The following SLC4A5 variants were observed in gnomAD, a reference collection of about 807,000 sequenced individuals.
The protein encoded by SLC4A5 is solute carrier family 4 member 5.
Under a neutral mutation model 120.4 loss-of-function variants are expected in SLC4A5, and 96 were observed. The ratio of observed to expected loss-of-function variants is 0.80; its 90% confidence interval spans 0.68 to 0.94. The LOEUF (loss-of-function observed/expected upper bound fraction) is 0.94. Ranked by LOEUF, SLC4A5 falls within the 40% of genes least tolerant of loss-of-function variation. The pLI is 0.00. For missense variants in SLC4A5, 1,259 were observed against 1,459.5 expected (o/e 0.86, Z 2.24); for synonymous variants, 550 against 571.1 (o/e 0.96, Z 0.53).
intron 19 of SLC4A5, among the ~76,000 whole-genome samples, chr2:74,245,530 G>A (rs1670584621): frequency 6.6e-6 from 1 of 152,180 alleles, no homozygotes; most frequent in Admixed American, 6.5e-5. Flanking sequence ...GGGCCTGCCT[G>A]CAGGTAGGAT....
At chr2:74,277,900 C>A in intron 8 of SLC4A5, among the ~76,000 whole-genome samples, 1 of 151,300 alleles carries the variant, frequency 6.6e-6, no homozygotes, top group Non-Finnish European at 1.5e-5. Context: ...TTTAAAATAC[C>A]CCAGCAAAAG....
intron 27 of SLC4A5, among the ~76,000 whole-genome samples, chr2:74,226,542 C>A (rs192551386): frequency 6.6e-6 from 1 of 152,176 alleles, no homozygotes; most frequent in Non-Finnish European, 1.5e-5. Flanking sequence ...CCCCTGCCCC[C>A]CTACTTCACT....
chr2:74,338,556 C>T (rs183508778), intron 3 of SLC4A5, among the ~76,000 whole-genome samples: 16 of 152,226 alleles, frequency 1.1e-4, no homozygotes, highest in Non-Finnish European at 2.4e-4. Flanking sequence ...CAGTGGCTCA[C>T]GCCTGTAATC....
At chr2:74,328,777 CTTATCACA>C (rs996447377) in intron 4 of SLC4A5, among the ~76,000 whole-genome samples, 14 of 152,162 alleles carry the variant, frequency 9.2e-5, no homozygotes, top group African/African-American at 3.4e-4. Context: ...GATAAAGGAT[CTTATCACA>C]TTGCAAGTAC....
At chr2:74,306,652 CT>C (rs58494912) in intron 6 of SLC4A5, 127,432 of 438,874 alleles carry the variant, frequency 0.29, 9,658 homozygotes, top group African/African-American at 0.63. Flanking sequence ...TAGTTCATTT[CT>C]TTTTTTTTTT....
At chr2:74,260,291 T>G (rs1378188213) in intron 11 of SLC4A5, among the ~76,000 whole-genome samples, 1 of 152,174 alleles carries the variant, frequency 6.6e-6, no homozygotes, top group African/African-American at 2.4e-5. Flanking sequence ...GTGTCCAGAA[T>G]GCTGCTCCTC....
At chr2:74,316,448 T>C (rs1672968446) in intron 5 of SLC4A5, among the ~76,000 whole-genome samples, 1 of 151,602 alleles carries the variant, frequency 6.6e-6, no homozygotes, top group African/African-American at 2.4e-5. Flanking sequence ...ACCAAAATCC[T>C]GGCCAAGACA....
chr2:74,258,071 C>G (rs1175200841), intron 12 of SLC4A5, among the ~76,000 whole-genome samples: 1 of 152,220 alleles, frequency 6.6e-6, no homozygotes, highest in Non-Finnish European at 1.5e-5. Flanking sequence ...CCTGCTGACT[C>G]CACTTCCTGA....
At chr2:74,330,801 TGAGGTCTAGATGGAGGC>T (rs1180852150) in intron 4 of SLC4A5, among the ~76,000 whole-genome samples, 4 of 138,200 alleles carry the variant, frequency 2.9e-5, no homozygotes, top group Admixed American at 7.4e-5. Flanking sequence ...ATGGAGGCAG[TGAGGTCTAGATGGAGGC>T]GGTGAGGTCT....
intron 16 of SLC4A5, among the ~76,000 whole-genome samples, chr2:74,251,384 A>G (rs1442453907): frequency 6.6e-6 from 1 of 152,040 alleles, no homozygotes; most frequent in Non-Finnish European, 1.5e-5. Flanking sequence ...TCAAGGCCAC[A>G]TCCTTTCCTA....
At chr2:74,341,857 A>G (rs966725753) in intron 2 of SLC4A5, among the ~76,000 whole-genome samples, 2 of 152,224 alleles carry the variant, frequency 1.3e-5, no homozygotes, top group African/African-American at 4.8e-5. Context: ...GAGGAAGGCT[A>G]AGACACAAAA....
At chr2:74,322,003 T>C (rs1451093628) in intron 5 of SLC4A5, among the ~76,000 whole-genome samples, 1 of 152,130 alleles carries the variant, frequency 6.6e-6, no homozygotes, top group Non-Finnish European at 1.5e-5. Context: ...GTTTGTCCTT[T>C]ACCCTCCTGC....
intron 8 of SLC4A5, among the ~76,000 whole-genome samples, chr2:74,280,729 G>C (rs1671786035): frequency 6.6e-6 from 1 of 151,800 alleles, no homozygotes; most frequent in African/African-American, 2.4e-5. Context: ...TTGTTGCCCA[G>C]GCTGGAGTGC....
intron 10 of SLC4A5, among the ~76,000 whole-genome samples, chr2:74,263,652 C>T (rs1287915657): frequency 6.6e-6 from 1 of 152,184 alleles, no homozygotes; most frequent in African/African-American, 2.4e-5. Flanking sequence ...ATAAGCCCAG[C>T]CCCTTCTACC....
At chr2:74,291,571 C>G (rs1184454888) in intron 7 of SLC4A5, among the ~76,000 whole-genome samples, 1 of 152,238 alleles carries the variant, frequency 6.6e-6, no homozygotes, top group African/African-American at 2.4e-5. Context: ...CTACACTGCC[C>G]CATTGAGGCT....
At position 74,227,577 on chromosome 2, in the gene SLC4A5, G is replaced by A. The variant is rs760086112; in HGVS notation, c.2916+233C>T. 2.5e-6 allele frequency: 4 copies of A among 1,594,344 alleles called. No homozygotes were observed. In the Admixed American group the frequency reaches 6.7e-5, roughly 27 times the overall value. Reference sequence around the variant, plus strand: ...CTCCGGTCCCCATCTGTAAAATGGGGATCAGAGGACCTAATTACATAGATT... The same window carrying A: ...CTCCGGTCCCCATCTGTAAAATGGGAATCAGAGGACCTAATTACATAGATT... On this transcript the variant is annotated intron_variant, in intron 26 of 30. Coordinates refer to ENST00000394019, the Ensembl canonical transcript of SLC4A5.
At chr2:74,238,104 AAAT>A (rs1380265693) in intron 21 of SLC4A5, among the ~76,000 whole-genome samples, 4 of 152,058 alleles carry the variant, frequency 2.6e-5, no homozygotes, top group South Asian at 2.1e-4. Flanking sequence ...TCTGTCTCAA[AAAT>A]AATAATAATA....
At chr2:74,228,990 G>A (rs191583112) in intron 25 of SLC4A5, among the ~76,000 whole-genome samples, 38 of 151,956 alleles carry the variant, frequency 2.5e-4, no homozygotes, top group African/African-American at 8.0e-4. Flanking sequence ...AGCAGAGGCT[G>A]TTCCTCCTTG....
At position 74,231,225 on chromosome 2, in the gene SLC4A5, C is replaced by T. The variant is rs752750819; in HGVS notation, c.2847+11G>A. On this transcript the variant is annotated intron_variant, in intron 25 of 30. Coordinates refer to ENST00000394019, the Ensembl canonical transcript of SLC4A5. ...GGCAACGAGGCCCTAGGTGACAGTG[C>T]AGGACCTCACCTTTAGGATGGGAGC... 1.6e-5 allele frequency: 26 copies of T among 1,609,744 alleles called. No homozygotes were observed. The highest frequency in any genetic ancestry group is 2.7e-5 in the African/African-American group (2 of 74,904).
Sources: allele counts gnomAD v4.1 joint callset (sites outside exome capture counted in the v4.1 genomes callset), GRCh38; gene constraint gnomAD v4.1.1; transcripts MANE v1.5; gene names NCBI Gene and HGNC (gene_info 2026-07-23, HGNC 2026-07-21).